Variants in SLC4A4 observed in about 807,000 individuals in gnomAD.
SLC4A4 encodes the protein electrogenic sodium bicarbonate cotransporter 1.
In SLC4A4, 27 loss-of-function variants were observed where a neutral mutation model predicts 111.5. The observed-to-expected ratio is 0.24, with a 90% CI of 0.18 to 0.33. The LOEUF is 0.33. Ranked by LOEUF, SLC4A4 falls within the 10% of genes least tolerant of loss-of-function variation. The pLI is 1.00. For missense variants in SLC4A4, 909 were observed against 1,315.5 expected (o/e 0.69, Z 4.78); for synonymous variants, 443 against 463.4 (o/e 0.96, Z 0.57).
At chr4:71,385,634 A>T (rs1718645010) in intron 6 of SLC4A4, among the ~76,000 whole-genome samples, 1 of 152,184 alleles carries the variant, frequency 6.6e-6, no homozygotes, top group African/African-American at 2.4e-5. Flanking sequence ...CTGTGTAATG[A>T]ACTGTAAGTA....
intron 2 of SLC4A4, among the ~76,000 whole-genome samples, chr4:71,131,846 C>T (rs1488905002): frequency 6.6e-6 from 1 of 152,088 alleles, no homozygotes; most frequent in Non-Finnish European, 1.5e-5. Context: ...CAAGCTCTAC[C>T]CTGTGCCACC....
chr4:71,302,222 A>T (rs1725326240), intron 3 of SLC4A4, among the ~76,000 whole-genome samples: 1 of 152,196 alleles, frequency 6.6e-6, no homozygotes, highest in South Asian at 2.1e-4. Flanking sequence ...TTAATAAAGT[A>T]TGTTTAAGTG....
At chr4:71,481,778 A>G (rs545911029) in intron 14 of SLC4A4, among the ~76,000 whole-genome samples, 1 of 151,796 alleles carries the variant, frequency 6.6e-6, no homozygotes, top group Non-Finnish European at 1.5e-5. Flanking sequence ...CCAGAAAATC[A>G]GCTAAAATCT....
In SLC4A4 at chr4:71,192,677, C is replaced by T. The variant is rs1343516874; in HGVS notation, c.-2+5276C>T. ...CAGCTCTTCCTTATTTTCCCCTCCC[C>T]TCTTCCTTCTGTTAAGTTTTTATTG... On this transcript the variant is annotated intron_variant, in intron 1 of 25. Coordinates refer to ENST00000264485, the MANE Select transcript of SLC4A4 (RefSeq NM_001098484.3). 5.3e-5 allele frequency among the ~76,000 whole-genome samples: 8 copies of T among 152,128 alleles called. 1 individual carries two copies. Among genetic ancestry groups the T allele is most frequent in the Admixed American group, 2.0e-4 (3 of 15,274 alleles).
chr4:71,314,794 C>T (rs1266843593), intron 3 of SLC4A4, among the ~76,000 whole-genome samples: 1 of 151,532 alleles, frequency 6.6e-6, no homozygotes, highest in East Asian at 1.9e-4. Context: ...GGAGGGAGAG[C>T]ATTAGGACAA....
chr4:71,418,257 G>T (rs1430572806), intron 7 of SLC4A4, among the ~76,000 whole-genome samples: 1 of 152,104 alleles, frequency 6.6e-6, no homozygotes, highest in Non-Finnish European at 1.5e-5. Context: ...ATTAATCGTG[G>T]TGAGATATAT....
chr4:71,564,389 C>G (rs1737280409), intron 24 of SLC4A4, among the ~76,000 whole-genome samples: 1 of 151,810 alleles, frequency 6.6e-6, no homozygotes, highest in South Asian at 2.1e-4. Flanking sequence ...ATTAGTACAA[C>G]TTTCTAGATA....
Position 71,116,048 on chromosome 4 carries a change from C to G in SLC4A4, c.-2+23256C>G, listed in dbSNP as rs78792535. Among the ~76,000 whole-genome samples the G allele has an allele frequency of 8.2e-4, 125 of 152,254 alleles. 1 individual carries two copies. The East Asian group carries it at 0.022, about 27-fold the overall frequency. On this transcript the variant is annotated intron_variant, in intron 2 of 26. Transcript: ENST00000649996. ...TAGCTGGGTCTACAGGCACACACCA[C>G]GACGCCTGGCTAATTTTTGTATTTT... is the stretch of plus-strand genomic sequence containing the variant.
At chr4:71,082,921 G>A (rs1451095254) in intron 1 of SLC4A4, among the ~76,000 whole-genome samples, 3 of 151,026 alleles carry the variant, frequency 2.0e-5, no homozygotes, top group Non-Finnish European at 4.4e-5. Context: ...TCACAGGATC[G>A]CGGCTCACTG....
intron 3 of SLC4A4, among the ~76,000 whole-genome samples, chr4:71,287,863 G>T (rs1483904848): frequency 6.6e-6 from 1 of 152,004 alleles, no homozygotes; most frequent in Non-Finnish European, 1.5e-5. Context: ...AATTTCATGA[G>T]AATTCAATAT....
intron 6 of SLC4A4, among the ~76,000 whole-genome samples, chr4:71,365,714 C>T (rs893528312): frequency 6.6e-6 from 1 of 152,014 alleles, no homozygotes; most frequent in Non-Finnish European, 1.5e-5. Context: ...TAGTGTTTTC[C>T]AACACTCTTC....
At chr4:71,182,105 T>C (rs1303059743) in intron 2 of SLC4A4, among the ~76,000 whole-genome samples, 2 of 152,236 alleles carry the variant, frequency 1.3e-5, no homozygotes, top group Non-Finnish European at 2.9e-5. Flanking sequence ...GAACTTTTCT[T>C]GTTCTAGGAA....
In SLC4A4 at chr4:71,392,628, A is replaced by G. The variant is rs530899125; in HGVS notation, c.731-4949A>G. 3.8e-4 allele frequency among the ~76,000 whole-genome samples: 58 copies of G among 152,228 alleles called. No individual in the cohort carries two copies. In the South Asian group the frequency reaches 0.011, roughly 28 times the overall value. On this transcript the variant is annotated intron_variant, in intron 6 of 25. Transcript: ENST00000264485. ...AATTGGTACTAAATCTTTTGACACT[A>G]TTCCACAAGATAGAGAAAGAAGGAA...
At chr4:71,339,624 T>TTGGC (rs1476709007) in intron 4 of SLC4A4, 119 bp downstream of exon 4, 2 of 915,606 alleles carry the variant, frequency 2.2e-6, no homozygotes, top group Non-Finnish European at 3.6e-6. Flanking sequence ...GGGCATGATG[T>TTGGC]TGGCTGGGAT....
chr4:71,555,839 A>C (rs1736423444), intron 21 of SLC4A4, among the ~76,000 whole-genome samples: 1 of 151,948 alleles, frequency 6.6e-6, no homozygotes, highest in South Asian at 2.1e-4. Context: ...GTTTTAGTCC[A>C]GCCTCAACAA....
intron 2 of SLC4A4, among the ~76,000 whole-genome samples, chr4:71,115,624 C>T (rs570139988): frequency 1.3e-5 from 2 of 152,094 alleles, no homozygotes; most frequent in South Asian, 4.1e-4. Flanking sequence ...GGGCAATGTG[C>T]TTTCTCTTAA....
chr4:71,339,040 T>C, intron 3 of SLC4A4: 1 of 1,472,484 alleles, frequency 6.8e-7, no homozygotes, highest in South Asian at 1.4e-5. Context: ...TTTGGATGAG[T>C]CATAAGTGGA....
chr4:71,384,599 G>T (rs1405742942), intron 6 of SLC4A4, among the ~76,000 whole-genome samples: 1 of 142,116 alleles, frequency 7.0e-6, no homozygotes. Flanking sequence ...TCACGCCATT[G>T]CACTCAAGCC....
chr4:71,453,282 A>G (rs757946879), intron 11 of SLC4A4, among the ~76,000 whole-genome samples: 7 of 152,194 alleles, frequency 4.6e-5, no homozygotes, highest in Non-Finnish European at 8.8e-5. Flanking sequence ...TCTTCAGGAA[A>G]TGTGACACCT....
Sources: allele counts gnomAD v4.1 joint callset (sites outside exome capture counted in the v4.1 genomes callset), GRCh38; gene constraint gnomAD v4.1.1; transcripts MANE v1.5; gene names NCBI Gene and HGNC (gene_info 2026-07-23, HGNC 2026-07-21).